Variants in NCOA1 observed in about 807,000 individuals in gnomAD.
The protein encoded by NCOA1 is nuclear receptor coactivator 1, also known as Hin-2 protein.
A neutral mutation model predicts 150.9 loss-of-function variants in NCOA1; 35 were observed. The observed-to-expected ratio is 0.23, with a 90% CI of 0.18 to 0.31. NCOA1 has a LOEUF of 0.31. NCOA1 is among the 10% of genes least tolerant of loss of function. The pLI is 1.00. For missense variants in NCOA1, 1,491 were observed against 1,749.3 expected (o/e 0.85, Z 2.63); for synonymous variants, 590 against 630.0 (o/e 0.94, Z 0.95).
At chr2:24,624,173 A>AG (rs1669299264) in intron 3 of NCOA1, among the ~76,000 whole-genome samples, 1 of 152,194 alleles carries the variant, frequency 6.6e-6, no homozygotes, top group Admixed American at 6.5e-5. Context: ...ATTGCAGTAA[A>AG]GAAAAAAAAT....
intron 10 of NCOA1, 80 bp downstream of exon 10, chr2:24,693,427 T>A (rs1672761919): frequency 3.3e-6 from 4 of 1,215,856 alleles, no homozygotes; most frequent in Non-Finnish European, 4.9e-6. Flanking sequence ...ATCCAGAATG[T>A]CTTTCTGTTC....
intron 14 of NCOA1, among the ~76,000 whole-genome samples, chr2:24,715,908 C>T (rs1054899336): frequency 9.2e-5 from 14 of 152,068 alleles, no homozygotes; most frequent in East Asian, 7.7e-4. Context: ...TTTGGGAGGC[C>T]GAGGCAGGCG....
chr2:24,574,825 A>G lies in NCOA1; in HGVS notation c.-259-9651A>G, dbSNP rs973454613. On this transcript the variant is annotated intron_variant, in intron 2 of 22. Coordinates refer to ENST00000348332, the MANE Select transcript of NCOA1 (RefSeq NM_003743.5). ...CTTGCGCCATTGTTTTCTTATTTGT[A>G]TAATTTCTGATGAGAAGTTTGCTCT... is the stretch of plus-strand genomic sequence containing the variant. 2.6e-5 allele frequency among the ~76,000 whole-genome samples: 4 copies of G among 152,066 alleles called. No homozygotes were observed. The East Asian group carries it at 5.8e-4, about 22-fold the overall frequency.
In NCOA1 at chr2:24,693,328, G is replaced by A. The variant is rs771294774; in HGVS notation, c.789G>A (p.Met263Ile). 1.2e-5 allele frequency: 19 copies of A among 1,613,928 alleles called. No individual in the cohort carries two copies. The highest frequency in any genetic ancestry group is 1.5e-5 in the Non-Finnish European group (18 of 1,179,850). ...CTATTACGGGTGTAGAATCCTTTAT[G>A]ACCAAGCAAGATACTACAGGTACTA... The part of the protein sequence containing the change: ...PPAITGVESF[M>I]TKQDTTGKII... Residue 263 changes from methionine to isoleucine, a missense_variant, in exon 10 of 23, where the codon ATG (methionine) becomes ATA (isoleucine). Physicochemically the swap from Met to Ile is conservative, Grantham distance 10. Transcript: ENST00000348332.
At chr2:24,582,729 A>G (rs998879234) in intron 2 of NCOA1, among the ~76,000 whole-genome samples, 3 of 152,214 alleles carry the variant, frequency 2.0e-5, no homozygotes, top group African/African-American at 7.2e-5. Flanking sequence ...GTAGTAACCC[A>G]AACAGCATGC....
chr2:24,743,027 C>G (rs187963173), intron 19 of NCOA1, among the ~76,000 whole-genome samples: 2 of 152,158 alleles, frequency 1.3e-5, no homozygotes, highest in African/African-American at 4.8e-5. Flanking sequence ...TCTCTTTGTC[C>G]TGGGTGATAA....
intron 1 of NCOA1, among the ~76,000 whole-genome samples, chr2:24,524,899 T>G (rs1664585904): frequency 6.6e-6 from 1 of 152,174 alleles, no homozygotes; most frequent in Non-Finnish European, 1.5e-5. Context: ...TGTGAGCCAC[T>G]GCACCCAGCC....
chr2:24,647,517 A>G (rs917441141), intron 4 of NCOA1, among the ~76,000 whole-genome samples: 3 of 152,202 alleles, frequency 2.0e-5, no homozygotes, highest in East Asian at 1.9e-4. Context: ...TAAATCTTAC[A>G]TAAGTGTTAG....
intron 1 of NCOA1, among the ~76,000 whole-genome samples, chr2:24,497,910 T>C (rs1663292443): frequency 6.6e-6 from 1 of 152,218 alleles, no homozygotes; most frequent in Admixed American, 6.5e-5. Context: ...CCACTTGTAA[T>C]TTGAATGGTT....
At chr2:24,647,260 A>G (rs1670517872) in intron 4 of NCOA1, among the ~76,000 whole-genome samples, 1 of 152,144 alleles carries the variant, frequency 6.6e-6, no homozygotes, top group Admixed American at 6.6e-5. Context: ...TAGTTATGTG[A>G]CTGTAGGTTA....
intron 2 of NCOA1, among the ~76,000 whole-genome samples, chr2:24,565,122 T>A (rs1666444634): frequency 6.6e-6 from 1 of 152,174 alleles, no homozygotes; most frequent in Admixed American, 6.5e-5. Context: ...AACTAAAGAA[T>A]CAGGTGACAC....
At chr2:24,524,608 G>T (rs1248847728) in intron 1 of NCOA1, among the ~76,000 whole-genome samples, 1 of 151,440 alleles carries the variant, frequency 6.6e-6, no homozygotes, top group African/African-American at 2.4e-5. Context: ...CTTCTTGTAT[G>T]TATATATATA....
At chr2:24,611,847 G>C (rs1427361714) in intron 3 of NCOA1, among the ~76,000 whole-genome samples, 1 of 152,106 alleles carries the variant, frequency 6.6e-6, no homozygotes, top group Admixed American at 6.5e-5. Flanking sequence ...GCAACAGATA[G>C]ATGAGTCTTT....
At chr2:24,674,422 G>C (rs1026865791) in intron 7 of NCOA1, among the ~76,000 whole-genome samples, 5 of 152,090 alleles carry the variant, frequency 3.3e-5, no homozygotes, top group Non-Finnish European at 5.9e-5. Context: ...TAGCCAGGAT[G>C]GTCTCGATCT....
At chr2:24,635,675 A>T (rs1189990456) in intron 3 of NCOA1, among the ~76,000 whole-genome samples, 15 of 152,196 alleles carry the variant, frequency 9.9e-5, no homozygotes, top group Admixed American at 9.8e-4. Flanking sequence ...CAAAGTAATA[A>T]TCAAAAGGAA....
intron 3 of NCOA1, among the ~76,000 whole-genome samples, chr2:24,615,292 C>T (rs1668825825): frequency 6.6e-6 from 1 of 152,190 alleles, no homozygotes; most frequent in Non-Finnish European, 1.5e-5. Context: ...AGGCATGAAT[C>T]TCTGCTCAAC....
intron 20 of NCOA1, 144 bp from the exon 21 acceptor site, chr2:24,757,829 A>G: frequency 1.5e-6 from 1 of 688,602 alleles, no homozygotes; most frequent in South Asian, 2.4e-5. Context: ...TATCTGAATT[A>G]TATTAATTTT....
At chr2:24,704,321 G>C (rs541767011) in intron 11 of NCOA1, among the ~76,000 whole-genome samples, 6 of 152,026 alleles carry the variant, frequency 3.9e-5, no homozygotes, top group Non-Finnish European at 8.8e-5. Flanking sequence ...AAATTTTATG[G>C]TGTGTCAGTC....
At chr2:24,670,119 C>A (rs570146699) in intron 6 of NCOA1, among the ~76,000 whole-genome samples, 34 of 149,624 alleles carry the variant, frequency 2.3e-4, no homozygotes, top group Admixed American at 2.0e-3. Flanking sequence ...TCCTCAGCAA[C>A]AGAGCAAGGA....
Sources: allele counts gnomAD v4.1 joint callset (sites outside exome capture counted in the v4.1 genomes callset), GRCh38; gene constraint gnomAD v4.1.1; transcripts MANE v1.5; gene names NCBI Gene and HGNC (gene_info 2026-07-23, HGNC 2026-07-21).